MYO5B: variants seen among roughly 807,000 people sequenced by gnomAD.
MYO5B encodes the protein myosin VB, also known as unconventional myosin-Vb.
In MYO5B, 143 loss-of-function variants were observed where a neutral mutation model predicts 229.3. That is an observed-to-expected ratio of 0.62 (90% confidence interval 0.54 to 0.72). The LOEUF (loss-of-function observed/expected upper bound fraction) is 0.72, where lower values mean the gene tolerates loss of function less well. Ranked by LOEUF, MYO5B falls within the 30% of genes least tolerant of loss-of-function variation. MYO5B has a pLI of 0.00. For missense variants in MYO5B, 2,321 were observed against 2,331.0 expected, an observed-to-expected ratio of 1.00 and a Z score of 0.09; for synonymous variants, 918 against 885.2, an observed-to-expected ratio of 1.04 and a Z score of -0.66.
intron 19 of MYO5B, 151 bp downstream of exon 19, chr18:49,906,268 C>A (rs997762378): frequency 2.7e-6 from 2 of 748,162 alleles, no homozygotes; most frequent in Non-Finnish European, 4.5e-6. Context: ...AGGGATAGGC[C>A]CAGCTGCCGA....
intron 1 of MYO5B, among the ~76,000 whole-genome samples, chr18:50,180,444 G>C (rs1488556756): frequency 6.6e-6 from 1 of 152,174 alleles, no homozygotes; most frequent in East Asian, 1.9e-4. Flanking sequence ...TGAGGAACCA[G>C]GACTCAAAAC....
intron 9 of MYO5B, among the ~76,000 whole-genome samples, chr18:49,976,812 T>C (rs4939923): frequency 0.95 from 144,843 of 152,210 alleles, 69,319 homozygotes; most frequent in Non-Finnish European, 1. Context: ...CTGTCTCCCC[T>C]GCTCCCCGAC....
intron 1 of MYO5B, among the ~76,000 whole-genome samples, chr18:50,179,209 A>G (rs548818516): frequency 6.6e-6 from 1 of 152,322 alleles, no homozygotes; most frequent in East Asian, 1.9e-4. Context: ...AGGCAGAAGG[A>G]TGCAAGTTCC....
intron 4 of MYO5B, among the ~76,000 whole-genome samples, chr18:50,020,978 CTG>C (rs2026267171): frequency 6.6e-6 from 1 of 152,210 alleles, no homozygotes; most frequent in Non-Finnish European, 1.5e-5. Context: ...GTAGCTCAAA[CTG>C]TATGTCTACC....
chr18:49,978,054 C>A (rs1048981690), intron 9 of MYO5B, among the ~76,000 whole-genome samples: 6 of 152,182 alleles, frequency 3.9e-5, no homozygotes, highest in African/African-American at 1.4e-4. Context: ...GGAAGACCAG[C>A]CTAGACCACA....
rs377512854 is a variant in MYO5B, at chr18:49,941,823, A to G, written c.1753-4426T>C. Among the ~76,000 whole-genome samples the G allele has an allele frequency of 4.1e-3, 569 of 138,328 alleles. 6 individuals are homozygous for G. The highest frequency in any genetic ancestry group is 0.015 in the African/African-American group (551 of 37,038). 90.7% of individuals were successfully genotyped at this position (138,328 alleles called of 152,430 possible). A position where few individuals can be genotyped will look rare whatever the true frequency, so the allele number is the denominator to read the frequency against. On this transcript the variant is annotated intron_variant, in intron 14 of 39. Coordinates refer to ENST00000285039, the MANE Select transcript of MYO5B (RefSeq NM_001080467.3). The stretch of plus-strand genomic sequence containing the variant: ...GACTTTCTTCACAGAATTGGAAAAA[A>G]CTACTTTAAAGTTCATATGGAACCA...
intron 1 of MYO5B, among the ~76,000 whole-genome samples, chr18:50,138,872 C>T (rs1012247771): frequency 1.3e-5 from 2 of 152,220 alleles, no homozygotes; most frequent in African/African-American, 4.8e-5. Flanking sequence ...GGCGATTCTG[C>T]AGGGCAGAGC....
chr18:50,001,813 T>G (rs536063851), intron 4 of MYO5B, among the ~76,000 whole-genome samples: 1 of 152,070 alleles, frequency 6.6e-6, no homozygotes, highest in African/African-American at 2.4e-5. Flanking sequence ...TGGTGAGTCA[T>G]GAGGTCAGGA....
chr18:49,954,520 G>A, intron 12 of MYO5B, 85 bp from the exon 13 acceptor site: 1 of 1,568,370 alleles, frequency 6.4e-7, no homozygotes, highest in East Asian at 2.3e-5. Flanking sequence ...GGACCAGTAG[G>A]CTGGCTCTGT....
chr18:49,890,479 C>T (rs578248882), intron 22 of MYO5B, among the ~76,000 whole-genome samples: 1 of 152,298 alleles, frequency 6.6e-6, no homozygotes, highest in Non-Finnish European at 1.5e-5. Context: ...GGAGGAAAAT[C>T]CTGTATCTAT....
chr18:49,964,218 C>T (rs917000233), intron 10 of MYO5B, among the ~76,000 whole-genome samples: 1 of 152,188 alleles, frequency 6.6e-6, no homozygotes, highest in African/African-American at 2.4e-5. Context: ...GTTATGACCC[C>T]ACCTCCAGCC....
intron 1 of MYO5B, among the ~76,000 whole-genome samples, chr18:50,146,993 A>AT (rs1243548140): frequency 6.6e-6 from 1 of 152,130 alleles, no homozygotes; most frequent in Non-Finnish European, 1.5e-5. Context: ...TCCCTGTCCC[A>AT]TAAGGAGCAT....
chr18:49,941,651 A>G (rs897763224), intron 14 of MYO5B, among the ~76,000 whole-genome samples: 1 of 152,114 alleles, frequency 6.6e-6, no homozygotes, highest in African/African-American at 2.4e-5. Context: ...GCTTCTCAGC[A>G]TCTTTGAAAT....
chr18:49,863,792 A>G (rs1263745272), intron 28 of MYO5B, among the ~76,000 whole-genome samples: 2 of 152,192 alleles, frequency 1.3e-5, no homozygotes, highest in Admixed American at 6.5e-5. Flanking sequence ...AGGAAAATAC[A>G]GTGAATAGGA....
chr18:50,184,290 C>T (rs1361164035), intron 1 of MYO5B, among the ~76,000 whole-genome samples: 2 of 151,986 alleles, frequency 1.3e-5, no homozygotes, highest in Admixed American at 6.6e-5. Flanking sequence ...CAAGCAGGAT[C>T]AGACCACCTG....
intron 1 of MYO5B, among the ~76,000 whole-genome samples, chr18:50,110,108 C>T (rs1453440096): frequency 6.6e-6 from 1 of 152,104 alleles, no homozygotes; most frequent in East Asian, 1.9e-4. Context: ...GGCCTGGGCA[C>T]CTGCTTTCCC....
intron 1 of MYO5B, among the ~76,000 whole-genome samples, chr18:50,115,579 C>G (rs1309107711): frequency 6.9e-6 from 1 of 145,718 alleles, no homozygotes; most frequent in Non-Finnish European, 1.5e-5. Context: ...CACACACACA[C>G]ACACAAACTG....
chr18:50,194,934 G>T lies in MYO5B; in HGVS notation c.-141C>A. On this transcript the variant is annotated 5_prime_UTR_variant, in exon 1 of 40. Coordinates refer to ENST00000285039, the MANE Select transcript of MYO5B (RefSeq NM_001080467.3). ...CGCTCTTCTCCGACCTGCCCCGCCG[G>T]CTTCCCGCAGGCGCCGCGGCCGGCT... 8.6e-7 allele frequency: 1 copy of T among 1,158,758 alleles called. No homozygotes were observed. The highest frequency in any genetic ancestry group is 1.1e-6 in the Non-Finnish European group (1 of 929,430). 71.8% of individuals were successfully genotyped at this position (1,158,758 alleles called of 1,614,324 possible). A position where few individuals can be genotyped will look rare whatever the true frequency, so the allele number is the denominator to read the frequency against.
At chr18:50,066,493 CA>C (rs1272173257) in intron 1 of MYO5B, among the ~76,000 whole-genome samples, 26 of 152,130 alleles carry the variant, frequency 1.7e-4, no homozygotes, top group African/African-American at 6.3e-4. Context: ...TTGCATAAGG[CA>C]ATATGGAGCT....
Sources: allele counts gnomAD v4.1 joint callset (sites outside exome capture counted in the v4.1 genomes callset), GRCh38; gene constraint gnomAD v4.1.1; transcripts MANE v1.5; gene names NCBI Gene and HGNC (gene_info 2026-07-23, HGNC 2026-07-21).